The following FAM219A variants were observed in gnomAD, a reference collection of about 807,000 sequenced individuals.
The protein encoded by FAM219A is protein FAM219A.
FAM219A carries 7 observed loss-of-function variants against 23.4 expected under a neutral mutation model. The ratio of observed to expected loss-of-function variants is 0.30; its 90% CI spans 0.17 to 0.56. The LOEUF is 0.56. Among genes scored for constraint, FAM219A ranks in the 20% least tolerant of loss-of-function variants. The pLI is 0.92. For missense variants in FAM219A, 166 were observed against 246.9 expected, an observed-to-expected ratio of 0.67 and a Z score of 2.20; for synonymous variants, 93 against 99.0, an observed-to-expected ratio of 0.94 and a Z score of 0.36.
intron 1 of FAM219A, among the ~76,000 whole-genome samples, chr9:34,440,332 G>T (rs538580282): frequency 6.6e-6 from 1 of 152,296 alleles, no homozygotes; most frequent in South Asian, 2.1e-4. Context: ...AGACCTAAGG[G>T]TGGGTACAGG....
At chr9:34,438,118 G>A (rs1028431257) in intron 1 of FAM219A, among the ~76,000 whole-genome samples, 9 of 152,208 alleles carry the variant, frequency 5.9e-5, no homozygotes, top group South Asian at 2.1e-4. Context: ...GCCAGCCCAC[G>A]GGCGCTGTGC....
rs34403925 is a variant in FAM219A, at chr9:34,412,602, G to GAAA, written c.61-6641_61-6639dup. On this transcript the variant is annotated intron_variant, in intron 1 of 5. Coordinates refer to ENST00000651358, the MANE Select transcript of FAM219A (RefSeq NM_001184940.2). ...TAAAGTCTCTCAGAATGAGCGGAGT[G>GAAA]AAAAAAAAAAAAACCAAGGGTGAAG... Among the ~76,000 whole-genome samples the GAAA allele has an allele frequency of 3.0e-3, 432 of 142,960 alleles. 3 individuals are homozygous for GAAA. Among genetic ancestry groups the GAAA allele is most frequent in the African/African-American group, 6.3e-3 (244 of 38,910 alleles). 93.8% of individuals were successfully genotyped at this position (142,960 alleles called of 152,430 possible).
At chr9:34,443,247 C>G (rs999092175) in intron 1 of FAM219A, among the ~76,000 whole-genome samples, 3 of 152,176 alleles carry the variant, frequency 2.0e-5, no homozygotes, top group Non-Finnish European at 4.4e-5. Context: ...GGAACCGAAA[C>G]AGCAGTAGGA....
chr9:34,398,648 C>T lies in FAM219A; in HGVS notation c.*2316G>A, dbSNP rs1162177144. 6.4e-5 allele frequency: 29 copies of T among 454,098 alleles called. No individual in the cohort carries two copies. In the South Asian group the frequency reaches 6.8e-4, roughly 11 times the overall value. 28.1% of individuals were successfully genotyped at this position (454,098 alleles called of 1,614,324 possible). A position where few individuals can be genotyped will look rare whatever the true frequency, so the allele number is the denominator to read the frequency against. On this transcript the variant is annotated 3_prime_UTR_variant, in exon 6 of 6. Coordinates refer to ENST00000651358, the MANE Select transcript of FAM219A (RefSeq NM_001184940.2). ...GATTGAACAATGGGCCCGAGTCACA[C>T]TGCAAGTCAGCAGCAAAGGCAGCAG...
intron 1 of FAM219A, among the ~76,000 whole-genome samples, chr9:34,423,401 A>G (rs1822349095): frequency 6.6e-6 from 1 of 152,156 alleles, no homozygotes; most frequent in Non-Finnish European, 1.5e-5. Context: ...GGCAAACAAA[A>G]AGAAAAAAGA....
At chr9:34,445,348 C>A (rs1296087064) in intron 1 of FAM219A, among the ~76,000 whole-genome samples, 1 of 152,146 alleles carries the variant, frequency 6.6e-6, no homozygotes, top group African/African-American at 2.4e-5. Context: ...AGTGGACACC[C>A]TAAACCAGAA....
intron 1 of FAM219A, among the ~76,000 whole-genome samples, chr9:34,453,024 T>C (rs1261204723): frequency 6.6e-6 from 1 of 152,136 alleles, no homozygotes; most frequent in Non-Finnish European, 1.5e-5. Context: ...GATGAGGAGA[T>C]GAGTAGTAAG....
At chr9:34,425,639 C>G (rs890945976) in intron 1 of FAM219A, among the ~76,000 whole-genome samples, 2 of 152,164 alleles carry the variant, frequency 1.3e-5, no homozygotes, top group Admixed American at 1.3e-4. Context: ...GATCCTTGTT[C>G]TTCTGTCTCC....
chr9:34,417,875 T>G lies in FAM219A; in HGVS notation c.61-11911A>C, dbSNP rs10972102. ...AATTAAGAACAAAAGGAGGGAAGACTCTTACACTGAAGACTGGGAAGGGCT... is the reference window on the plus strand; with the variant it reads ...AATTAAGAACAAAAGGAGGGAAGACGCTTACACTGAAGACTGGGAAGGGCT... On this transcript the variant is annotated intron_variant, in intron 1 of 5. Transcript: ENST00000651358. The surrounding 1 kb of genome is among the most constrained non-coding windows in gnomAD (Gnocchi z 4.1). Among the ~76,000 whole-genome samples the G allele has an allele frequency of 0.13, 19,856 of 152,210 alleles. 1,604 individuals are homozygous for G. Among genetic ancestry groups the G allele is most frequent in the Non-Finnish European group, 0.18 (12,192 of 67,998 alleles).
chr9:34,452,533 C>T lies in FAM219A; in HGVS notation c.60+5671G>A, dbSNP rs7047798. 3.1e-3 allele frequency among the ~76,000 whole-genome samples: 473 copies of T among 152,292 alleles called. 1 individual carries two copies. The highest frequency in any genetic ancestry group is 0.011 in the African/African-American group (444 of 41,566). ...ATTAGTATCTGTGTATCTGTCCCAT[C>T]GTGTTTCTCTGCTTCTGCAGGCCTT... On this transcript the variant is annotated intron_variant, in intron 1 of 5. Coordinates refer to ENST00000651358, the MANE Select transcript of FAM219A (RefSeq NM_001184940.2).
At position 34,402,787 on chromosome 9, in the gene FAM219A, G is replaced by T. The variant is rs1229279088; in HGVS notation, c.181C>A (p.Arg61=). 3 of 1,614,034 alleles carry T rather than the reference G, an allele frequency of 1.9e-6. No individual in the cohort carries two copies. Among genetic ancestry groups the T allele is most frequent in the Non-Finnish European group, 2.5e-6 (3 of 1,180,016 alleles). The change falls in exon 3 of 6, where the codon CGG becomes AGG. Residue 61 remains arginine, a synonymous_variant. Coordinates refer to ENST00000651358, the MANE Select transcript of FAM219A (RefSeq NM_001184940.2). The part of the protein sequence containing the change: ...VKLEKQRELA[R]KGSLKNGSMG... ...CTGCCATTCTTCAGGGAGCCCTTCC[G>T]GGCCAGCTCCCGCTGCTTCTCTGCA... is the stretch of plus-strand genomic sequence containing the variant.
intron 1 of FAM219A, among the ~76,000 whole-genome samples, chr9:34,420,483 G>A (rs916250277): frequency 2.0e-5 from 3 of 152,188 alleles, no homozygotes; most frequent in African/African-American, 7.2e-5. Flanking sequence ...TGCTGCTGAT[G>A]TAGTTCCTAC....
At chr9:34,442,202 A>G (rs963412032) in intron 1 of FAM219A, among the ~76,000 whole-genome samples, 3 of 152,242 alleles carry the variant, frequency 2.0e-5, no homozygotes, top group Admixed American at 6.5e-5. Context: ...CTTGAGATCT[A>G]ACTACCAATT....
intron 1 of FAM219A, among the ~76,000 whole-genome samples, chr9:34,410,605 T>C (rs1821788964): frequency 6.6e-6 from 1 of 152,178 alleles, no homozygotes; most frequent in African/African-American, 2.4e-5. Flanking sequence ...AGACATGTGA[T>C]TGCCTCCCCA....
chr9:34,430,906 A>C (rs979700342), intron 1 of FAM219A, among the ~76,000 whole-genome samples: 5 of 151,708 alleles, frequency 3.3e-5, no homozygotes, highest in African/African-American at 1.2e-4. Flanking sequence ...CACAGCATCC[A>C]GGCCTTTCAG....
intron 1 of FAM219A, among the ~76,000 whole-genome samples, chr9:34,426,308 C>T (rs1822467840): frequency 6.6e-6 from 1 of 152,126 alleles, no homozygotes. Context: ...ATTTTCAGCT[C>T]CTTGTTATGT....
At chr9:34,406,232 A>G in intron 1 of FAM219A, 1 of 947,390 alleles carries the variant, frequency 1.1e-6, no homozygotes, top group South Asian at 4.9e-5. Context: ...AGCCTCCTCC[A>G]GAAAGCCCAT....
At chr9:34,450,403 G>A (rs1308151903) in intron 1 of FAM219A, among the ~76,000 whole-genome samples, 1 of 151,276 alleles carries the variant, frequency 6.6e-6, no homozygotes, top group African/African-American at 2.4e-5. Context: ...TCCACAGTTT[G>A]CATGTAGTTA....
chr9:34,415,439 C>T (rs1164601662), intron 1 of FAM219A, among the ~76,000 whole-genome samples: 1 of 152,156 alleles, frequency 6.6e-6, no homozygotes, highest in Non-Finnish European at 1.5e-5. Context: ...GGTGCTACTG[C>T]CCCCAGGCCT....
Sources: allele counts gnomAD v4.1 joint callset (sites outside exome capture counted in the v4.1 genomes callset), GRCh38; gene constraint gnomAD v4.1.1; non-coding constraint Gnocchi (gnomAD v3.1); transcripts MANE v1.5; gene names NCBI Gene and HGNC (gene_info 2026-07-23, HGNC 2026-07-21).